The following SUSD5 variants were observed in gnomAD, a reference collection of about 807,000 sequenced individuals.
SUSD5 encodes the protein sushi domain containing 5.
In SUSD5, 33 loss-of-function variants were observed where a neutral mutation model predicts 29.5. That is an observed-to-expected ratio of 1.12 (90% CI 0.85 to 1.49). The LOEUF (loss-of-function observed/expected upper bound fraction) is 1.49, where lower values mean the gene tolerates loss of function less well. SUSD5 is among the 40% of genes most tolerant of loss of function. SUSD5 has a pLI of 0.00. For missense variants in SUSD5, 776 were observed against 800.6 expected, an observed-to-expected ratio of 0.97 and a Z score of 0.37; for synonymous variants, 308 against 325.3, an observed-to-expected ratio of 0.95 and a Z score of 0.57.
chr3:33,163,795 A>C (rs184756346), intron 4 of SUSD5, among the ~76,000 whole-genome samples: 634 of 152,282 alleles, frequency 4.2e-3, no homozygotes, highest in Admixed American at 6.9e-3. Context: ...CAGGAGATCG[A>C]GACCATCCTG....
chr3:33,161,338 G>T (rs1300557721), intron 4 of SUSD5, among the ~76,000 whole-genome samples: 1 of 152,182 alleles, frequency 6.6e-6, no homozygotes, highest in Non-Finnish European at 1.5e-5. Context: ...AAGGGTGCCT[G>T]TTATAATTTC....
chr3:33,177,266 C>G (rs1012434319), intron 3 of SUSD5, among the ~76,000 whole-genome samples: 3 of 152,134 alleles, frequency 2.0e-5, no homozygotes, highest in Non-Finnish European at 2.9e-5. Flanking sequence ...GTAAAAGTAA[C>G]TTGCTGAATT....
At chr3:33,188,685 G>A in intron 3 of SUSD5, among the ~76,000 whole-genome samples, 1 of 152,194 alleles carries the variant, frequency 6.6e-6, no homozygotes. Context: ...GTGGTGATAA[G>A]AATTGGAATA....
intron 4 of SUSD5, among the ~76,000 whole-genome samples, chr3:33,161,622 A>G (rs935348188): frequency 1.3e-5 from 2 of 152,164 alleles, no homozygotes; most frequent in African/African-American, 4.8e-5. Context: ...GGTATTTATA[A>G]GAGACACACT....
intron 3 of SUSD5, among the ~76,000 whole-genome samples, chr3:33,182,573 A>G (rs2031694114): frequency 2.0e-5 from 3 of 152,306 alleles, no homozygotes; most frequent in African/African-American, 7.2e-5. Context: ...CAGTTCTATC[A>G]GTTTTTCCTC....
At position 33,152,717 on chromosome 3, in the gene SUSD5, T is replaced by C; in HGVS notation, c.*25A>G. 1 of 1,570,596 alleles carries C rather than the reference T, an allele frequency of 6.4e-7. No individual in the cohort carries two copies. The highest frequency in any genetic ancestry group is 8.6e-7 in the Non-Finnish European group (1 of 1,158,704). On this transcript the variant is annotated 3_prime_UTR_variant, in exon 5 of 5. Transcript: ENST00000309558. The stretch of plus-strand genomic sequence containing the variant: ...ACAGTTATTTTCCTCCCAAGTGGCT[T>C]TGGGAGAACCCACTCCAAAGGTGCC...
At position 33,153,290 on chromosome 3, in the gene SUSD5, C is replaced by T; in HGVS notation, c.1342G>A (p.Ala448Thr). The T allele has an allele frequency of 1.2e-6, 2 of 1,613,922 alleles. No individual in the cohort carries two copies. The highest frequency in any genetic ancestry group is 1.7e-6 in the Non-Finnish European group (2 of 1,179,874). The part of the protein sequence containing the change: ...PSQMLDVEAL[A>T]LRPVNASETE... ...TCGGAAGCATTCACGGGTCTGAGCG[C>T]CAAAGCTTCCACATCTAGCATTTGA... Residue 448 changes from alanine (A) to threonine (T), a missense_variant, in exon 5 of 5, where the codon GCG becomes ACG. Ala to Thr is a moderately conservative substitution (Grantham distance 58, BLOSUM62 0). Transcript: ENST00000309558.
intron 3 of SUSD5, among the ~76,000 whole-genome samples, chr3:33,185,504 G>A (rs2031759976): frequency 6.6e-6 from 1 of 152,096 alleles, no homozygotes; most frequent in Admixed American, 6.6e-5. Context: ...CCCTGGCACT[G>A]GTTTCTTCCA....
chr3:33,172,430 T>A (rs2031456512), intron 4 of SUSD5, among the ~76,000 whole-genome samples: 1 of 152,148 alleles, frequency 6.6e-6, no homozygotes. Flanking sequence ...AACAACCCAT[T>A]TGGCTGTGGG....
At chr3:33,184,914 CTTG>C (rs1361342312) in intron 3 of SUSD5, among the ~76,000 whole-genome samples, 36 of 152,238 alleles carry the variant, frequency 2.4e-4, no homozygotes, top group Admixed American at 5.9e-4. Context: ...AGCTCTGATG[CTTG>C]TTTTCAGTCT....
intron 3 of SUSD5, among the ~76,000 whole-genome samples, chr3:33,203,076 A>G (rs925261087): frequency 3.9e-5 from 6 of 152,152 alleles, no homozygotes; most frequent in African/African-American, 1.4e-4. Context: ...TCACGCGGGA[A>G]CCTCACAGCA....
chr3:33,153,990 A>T lies in SUSD5; in HGVS notation c.642T>A (p.Asp214Glu). ...AHIDYEDNFP[D>E]DRSVSFRELM... is the part of the protein sequence containing the mutation. Reference sequence around the variant, plus strand: ...GCTCTCTGAATGACACAGATCTGTCATCAGGGAAGTTATCTTCATAGTCAA... The same window carrying T: ...GCTCTCTGAATGACACAGATCTGTCTTCAGGGAAGTTATCTTCATAGTCAA... The change falls in exon 5 of 5, where the codon GAT becomes GAA. Residue 214 changes from aspartate (D) to glutamate (E), a missense_variant. Asp to Glu is a conservative substitution (Grantham distance 45, BLOSUM62 2). Transcript: ENST00000309558. 6.2e-7 allele frequency: 1 copy of T among 1,605,856 alleles called. No homozygotes were observed. Among genetic ancestry groups the T allele is most frequent in the Non-Finnish European group, 8.5e-7 (1 of 1,177,818 alleles).
intron 2 of SUSD5, among the ~76,000 whole-genome samples, chr3:33,212,563 A>T (rs2032342087): frequency 6.6e-6 from 1 of 152,190 alleles, no homozygotes; most frequent in Non-Finnish European, 1.5e-5. Flanking sequence ...TAGGCTGGCA[A>T]TAACTCAATG....
At chr3:33,164,712 T>C (rs1406971569) in intron 4 of SUSD5, among the ~76,000 whole-genome samples, 1 of 152,106 alleles carries the variant, frequency 6.6e-6, no homozygotes, top group Non-Finnish European at 1.5e-5. Flanking sequence ...GCAGGAGAAC[T>C]GAATAGGCAC....
intron 3 of SUSD5, among the ~76,000 whole-genome samples, chr3:33,179,121 G>T (rs2031614031): frequency 6.6e-6 from 1 of 152,166 alleles, no homozygotes; most frequent in African/African-American, 2.4e-5. Context: ...TTATTTAATA[G>T]CTATAGGCCT....
intron 4 of SUSD5, among the ~76,000 whole-genome samples, chr3:33,156,492 A>G (rs1393880405): frequency 6.6e-6 from 1 of 152,204 alleles, no homozygotes; most frequent in East Asian, 1.9e-4. Context: ...TGAGAGGGGA[A>G]TCAACTGGTC....
chr3:33,202,599 C>T (rs182854313), intron 3 of SUSD5, among the ~76,000 whole-genome samples: 1 of 152,082 alleles, frequency 6.6e-6, no homozygotes. Flanking sequence ...CCTTTCAGGG[C>T]AACAGAGGGT....
At chr3:33,205,915 G>A (rs2032210643) in intron 3 of SUSD5, among the ~76,000 whole-genome samples, 1 of 152,188 alleles carries the variant, frequency 6.6e-6, no homozygotes, top group African/African-American at 2.4e-5. Flanking sequence ...ATGTTAGCTA[G>A]CAAAAGCTAA....
intron 1 of SUSD5, 63 bp downstream of exon 1, chr3:33,218,623 C>T: frequency 8.1e-7 from 1 of 1,232,610 alleles, no homozygotes; most frequent in Non-Finnish European, 1.0e-6. Context: ...CCCCGGCGAG[C>T]TACGCCCTCC....
Sources: allele counts gnomAD v4.1 joint callset (sites outside exome capture counted in the v4.1 genomes callset), GRCh38; gene constraint gnomAD v4.1.1; transcripts MANE v1.5; gene names NCBI Gene and HGNC (gene_info 2026-07-23, HGNC 2026-07-21).